Variants in FRMPD4 observed in about 807,000 individuals in gnomAD.
FRMPD4 encodes the protein FERM and PDZ domain containing 4.
Under a neutral mutation model 94.1 loss-of-function variants are expected in FRMPD4, and 22 were observed. The ratio of observed to expected loss-of-function variants is 0.23; its 90% CI spans 0.17 to 0.33. FRMPD4 has a LOEUF of 0.33. FRMPD4 is among the 10% of genes least tolerant of loss of function. FRMPD4 has a pLI of 1.00. For synonymous variants in FRMPD4, 631 were observed against 548.6 expected (o/e 1.15, Z -2.10); for missense variants, 1,111 against 1,339.9 (o/e 0.83, Z 2.67).
intron 1 of FRMPD4, among the ~76,000 whole-genome samples, chrX:12,162,061 TAAAAA>T (rs1027179934): frequency 9.1e-6 from 1 of 109,816 alleles, no homozygotes; most frequent in African/African-American, 3.3e-5. Context: ...TACTAAAAAA[TAAAAA>T]AGAAAAGAAA....
At chrX:11,851,197 T>C (rs540727288) in intron 1 of FRMPD4, among the ~76,000 whole-genome samples, 1 of 111,871 alleles carries the variant, frequency 8.9e-6, no homozygotes, top group South Asian at 3.7e-4. Context: ...TAAATGTTTC[T>C]CTGTTTGTTG....
chrX:12,509,402 C>T (rs1175950552), intron 2 of FRMPD4, among the ~76,000 whole-genome samples: 17 of 111,907 alleles, frequency 1.5e-4, no homozygotes, highest in Non-Finnish European at 2.6e-4. Context: ...TACTACACAG[C>T]CATAAAAAGG....
At chrX:12,418,744 C>T (rs2056844948) in intron 1 of FRMPD4, among the ~76,000 whole-genome samples, 1 of 111,327 alleles carries the variant, frequency 9.0e-6, no homozygotes, top group African/African-American at 3.3e-5. Flanking sequence ...GCTGCTGAAC[C>T]CAGAACCCAG....
At chrX:11,921,132 C>T (rs1441284765) in intron 3 of FRMPD4, among the ~76,000 whole-genome samples, 2 of 112,189 alleles carry the variant, frequency 1.8e-5, no homozygotes, top group African/African-American at 3.2e-5. Context: ...GTGTATTAGT[C>T]AACTTGGGCT....
intron 1 of FRMPD4, among the ~76,000 whole-genome samples, chrX:12,351,253 A>G (rs1310016688): frequency 9.0e-6 from 1 of 110,620 alleles, no homozygotes; most frequent in Non-Finnish European, 1.9e-5. Context: ...AAATTTGTAG[A>G]TCTTGCTGCT....
chrX:12,499,416 G>A (rs2057892101), intron 2 of FRMPD4, among the ~76,000 whole-genome samples: 2 of 111,954 alleles, frequency 1.8e-5, no homozygotes, highest in Admixed American at 9.4e-5. Flanking sequence ...CAATTCAGTG[G>A]CATTAAGTAC....
chrX:12,468,908 C>T (rs1394604584), intron 1 of FRMPD4, among the ~76,000 whole-genome samples: 2 of 112,270 alleles, frequency 1.8e-5, no homozygotes, highest in South Asian at 3.7e-4. Flanking sequence ...TCACATTGTA[C>T]AGGGCACATT....
intron 3 of FRMPD4, among the ~76,000 whole-genome samples, chrX:12,112,513 A>G (rs1300064651): frequency 1.8e-5 from 2 of 111,133 alleles, no homozygotes; most frequent in Non-Finnish European, 3.8e-5. Context: ...GCATGTATAC[A>G]TATGTAACAA....
At position 12,230,427 on chromosome X, in the gene FRMPD4, G is replaced by A. The variant is rs1031516825; in HGVS notation, c.41+91415G>A. On this transcript the variant is annotated intron_variant, in intron 1 of 16. Coordinates refer to ENST00000675598, the MANE Select transcript of FRMPD4 (RefSeq NM_001368397.1). The stretch of plus-strand genomic sequence containing the variant: ...CTTTGGGCACATAAGCAGGAGGCAT[G>A]GCAATATTGTCACAGTGTCTCCATC... Among the ~76,000 whole-genome samples, 6 of 111,568 alleles carry A rather than the reference G, an allele frequency of 5.4e-5. No individual in the cohort carries two copies. In the Admixed American group the frequency reaches 5.7e-4, roughly 11 times the overall value.
chrX:12,361,740 A>G, intron 1 of FRMPD4, among the ~76,000 whole-genome samples: 1 of 111,995 alleles, frequency 8.9e-6, no homozygotes. Flanking sequence ...TTAAAACAAC[A>G]GAAAGATATT....
At chrX:12,034,171 A>G (rs1259422845) in intron 3 of FRMPD4, among the ~76,000 whole-genome samples, 1 of 112,158 alleles carries the variant, frequency 8.9e-6, no homozygotes, top group African/African-American at 3.2e-5. Flanking sequence ...AAAAAAGTCA[A>G]CCATAATTTC....
At chrX:12,237,713 T>C (rs1016530884) in intron 1 of FRMPD4, among the ~76,000 whole-genome samples, 2 of 112,268 alleles carry the variant, frequency 1.8e-5, no homozygotes, top group African/African-American at 6.5e-5. Flanking sequence ...ATGTTATTTA[T>C]CTTTTTGAAA....
intron 4 of FRMPD4, among the ~76,000 whole-genome samples, chrX:12,619,061 A>G (rs73446851): frequency 0.023 from 2,590 of 111,804 alleles, 71 homozygotes; most frequent in African/African-American, 0.079. Flanking sequence ...CATAATAAGA[A>G]GGTACACTGG....
intron 14 of FRMPD4, among the ~76,000 whole-genome samples, chrX:12,711,196 A>C (rs984298744): frequency 9.0e-5 from 10 of 111,453 alleles, no homozygotes; most frequent in Non-Finnish European, 1.9e-4. Flanking sequence ...CCCGAACACG[A>C]GTTGTGAGCC....
intron 1 of FRMPD4, among the ~76,000 whole-genome samples, chrX:12,218,481 A>G (rs781127423): frequency 8.9e-6 from 1 of 112,030 alleles, no homozygotes; most frequent in South Asian, 3.7e-4. Flanking sequence ...GTCAAGGAAT[A>G]CAAAGTTGTC....
At chrX:11,918,925 C>G (rs770887415) in intron 3 of FRMPD4, among the ~76,000 whole-genome samples, 2 of 112,626 alleles carry the variant, frequency 1.8e-5, no homozygotes, top group African/African-American at 6.4e-5. Flanking sequence ...CAATGCCGGA[C>G]ACCTTGGAGG....
chrX:12,692,385 A>T (rs1291719432), intron 8 of FRMPD4, among the ~76,000 whole-genome samples: 1 of 112,483 alleles, frequency 8.9e-6, no homozygotes, highest in Non-Finnish European at 1.9e-5. Flanking sequence ...GCATATGAAA[A>T]AATCGATTGC....
chrX:12,333,623 G>A (rs923635612), intron 1 of FRMPD4, among the ~76,000 whole-genome samples: 1 of 111,881 alleles, frequency 8.9e-6, no homozygotes, highest in African/African-American at 3.2e-5. Context: ...TTATGACTCT[G>A]TGTGGTCTAT....
chrX:11,858,641 A>G (rs2053667056), intron 1 of FRMPD4, among the ~76,000 whole-genome samples: 2 of 111,499 alleles, frequency 1.8e-5, no homozygotes, highest in Admixed American at 1.9e-4. Context: ...TCTGTACAAC[A>G]AACCCCCATG....
Sources: gnomAD v4.1 joint callset for allele counts (sites outside exome capture counted in the v4.1 genomes callset) on GRCh38, gnomAD v4.1.1 for gene constraint, MANE v1.5 for transcripts, NCBI Gene and HGNC (gene_info 2026-07-23, HGNC 2026-07-21) for gene names.